ZBTB4: variants seen among roughly 807,000 people sequenced by gnomAD.
The protein encoded by ZBTB4 is zinc finger and BTB domain-containing protein 4.
In ZBTB4, 14 loss-of-function variants were observed where a neutral mutation model predicts 59.8. The observed-to-expected ratio is 0.23, with a 90% CI of 0.15 to 0.37. The LOEUF is 0.37. ZBTB4 is among the 10% of genes least tolerant of loss of function. The probability of loss-of-function intolerance (pLI) is 1.00; values close to 1 mark genes in which losing one functional copy is unlikely to be tolerated. For missense variants in ZBTB4, 1,198 were observed against 1,380.8 expected (o/e 0.87, Z 2.10); for synonymous variants, 587 against 575.2 (o/e 1.02, Z -0.29).
intron 1 of ZBTB4, among the ~76,000 whole-genome samples, chr17:7,472,058 G>C (rs779400714): frequency 2.0e-4 from 31 of 152,136 alleles, no homozygotes; most frequent in Admixed American, 1.7e-3. Flanking sequence ...GCCTCATGCA[G>C]TGAACCCCAA....
In ZBTB4 at chr17:7,463,210, C is replaced by T; in HGVS notation, c.1772G>A (p.Gly591Asp). The T allele has an allele frequency of 6.2e-7, 1 of 1,608,776 alleles. No individual in the cohort carries two copies. The highest frequency in any genetic ancestry group is 8.5e-7 in the Non-Finnish European group (1 of 1,179,034). Residue 591 changes from glycine to aspartate, a missense_variant, in exon 4 of 4, where the codon GGC (glycine) becomes GAC (aspartate). By Grantham distance (94) the Gly-to-Asp change is moderately conservative. Around this residue, in one of 9 missense-constraint regions of ZBTB4, gnomAD observed 550 missense variants for 541.8 expected, o/e 1.02. Coordinates refer to ENST00000380599, the MANE Select transcript of ZBTB4 (RefSeq NM_001128833.2). Reference sequence around the variant, plus strand: ...AGGTGGAGCCTGCAGCTGAGAGGGGCCCCGGCCAGCCCCTGTGGGGGGACC... The same window carrying T: ...AGGTGGAGCCTGCAGCTGAGAGGGGTCCCGGCCAGCCCCTGTGGGGGGACC... ...GGGPPTGAGR[G>D]PSQLQAPPPL...
chr17:7,467,126 G>A, intron 2 of ZBTB4, 131 bp downstream of exon 2: 1 of 1,152,202 alleles, frequency 8.7e-7, no homozygotes, highest in Non-Finnish European at 1.1e-6. Flanking sequence ...TCATGGGAAG[G>A]AGGAGGAAGC....
rs1413085020 is a variant in ZBTB4, at chr17:7,463,408, G to A, written c.1574C>T (p.Pro525Leu). 1.9e-6 allele frequency: 3 copies of A among 1,581,922 alleles called. No individual in the cohort carries two copies. The highest frequency in any genetic ancestry group is 2.3e-5 in the South Asian group (2 of 86,798). The change falls in exon 4 of 4, where the codon CCT becomes CTT. Residue 525 changes from proline to leucine, a missense_variant. This residue lies in a region of ZBTB4 where 550 missense variants were observed against 541.8 expected (regional missense o/e 1.02). Coordinates refer to ENST00000380599, the MANE Select transcript of ZBTB4 (RefSeq NM_001128833.2). ...GGGTGTGGCTGCAGGCTCAGGGGGA[G>A]GAGGTGGGTATTCTCGTTTCTTGGG... ...RPPKKREYPP[P>L]PPEPAATPTS...
chr17:7,464,979 A>G (rs2070094298), intron 3 of ZBTB4, among the ~76,000 whole-genome samples: 1 of 149,000 alleles, frequency 6.7e-6, no homozygotes, highest in South Asian at 2.1e-4. Context: ...ACACGGTGAA[A>G]CCCCGTCTCT....
At chr17:7,480,535 C>T (rs946741973), upstream of ZBTB4, among the ~76,000 whole-genome samples, 2 of 151,834 alleles carry the variant, frequency 1.3e-5, no homozygotes, top group Admixed American at 6.6e-5. Context: ...CTGGCTAACA[C>T]GGTGAAACCC....
chr17:7,467,097 T>C, intron 2 of ZBTB4, 160 bp downstream of exon 2: 3 of 924,464 alleles, frequency 3.2e-6, no homozygotes, highest in Non-Finnish European at 3.9e-6. Flanking sequence ...ACTAGAGATG[T>C]AAGTGAGGCA....
chr17:7,467,864 G>C (rs915227859), intron 1 of ZBTB4, among the ~76,000 whole-genome samples: 2 of 152,194 alleles, frequency 1.3e-5, no homozygotes, highest in African/African-American at 4.8e-5. Context: ...CTTAGAAGGG[G>C]GTTTCTGGCG....
upstream of ZBTB4, chr17:7,481,580 C>A: frequency 8.0e-7 from 1 of 1,248,422 alleles, no homozygotes. Flanking sequence ...GCTCCATTTC[C>A]CCTCCTTTCC....
intron 1 of ZBTB4, among the ~76,000 whole-genome samples, chr17:7,469,146 A>C (rs2070165453): frequency 6.6e-6 from 1 of 151,952 alleles, no homozygotes; most frequent in Non-Finnish European, 1.5e-5. Flanking sequence ...GAAAGGTAGC[A>C]GTTAGCTTTC....
chr17:7,483,506 G>A, upstream of ZBTB4: 1 of 202,354 alleles, frequency 4.9e-6, no homozygotes, highest in South Asian at 7.7e-5. Context: ...GGCTTGCAGT[G>A]GTGTCGTCTC....
chr17:7,462,720 G>A lies in ZBTB4; in HGVS notation c.2262C>T (p.Ser754=), dbSNP rs541339834. 1.2e-6 allele frequency: 2 copies of A among 1,604,102 alleles called. No homozygotes were observed. Among genetic ancestry groups the A allele is most frequent in the African/African-American group, 2.7e-5 (2 of 75,052 alleles). ...TGGAGGGCCTCCGTCCGGCCCGGGA[G>A]CTGTGGGAGCCCCCACCGTGGGCCT... ...HQEAHGGGSH[S]SRAGRRPSTR... is the part of the protein sequence containing the mutation. The change falls in exon 4 of 4, where the codon AGC becomes AGT. Residue 754 remains serine, a synonymous_variant. Coordinates refer to ENST00000380599, the MANE Select transcript of ZBTB4 (RefSeq NM_001128833.2). This position sits in a 1 kb window ranked among gnomAD's most constrained non-coding sequence, Gnocchi z 7.5.
intron 1 of ZBTB4, among the ~76,000 whole-genome samples, chr17:7,474,844 T>G (rs2070247435): frequency 6.6e-6 from 1 of 151,558 alleles, no homozygotes; most frequent in Non-Finnish European, 1.5e-5. Context: ...AAACCCCATC[T>G]GTACTAAAAA....
intron 3 of ZBTB4, 33 bp downstream of exon 3, chr17:7,465,678 C>T: frequency 6.4e-7 from 1 of 1,563,730 alleles, no homozygotes; most frequent in Non-Finnish European, 8.7e-7. Context: ...GTGCCAGCCT[C>T]CAGCCGCTCC....
At chr17:7,470,099 T>A (rs915484573) in intron 1 of ZBTB4, among the ~76,000 whole-genome samples, 1 of 151,208 alleles carries the variant, frequency 6.6e-6, no homozygotes, top group African/African-American at 2.4e-5. Flanking sequence ...AATAAATAAA[T>A]AAAATGACAG....
intron 1 of ZBTB4, among the ~76,000 whole-genome samples, chr17:7,479,071 A>T (rs1381545533): frequency 6.6e-6 from 1 of 151,708 alleles, no homozygotes. Context: ...CCCTCCCAGC[A>T]GCTTGCAGCG....
chr17:7,466,135 G>T lies in ZBTB4; in HGVS notation c.667C>A (p.Pro223Thr), dbSNP rs578051427. 5.0e-6 allele frequency: 8 copies of T among 1,611,298 alleles called. No individual in the cohort carries two copies. In the South Asian group the frequency reaches 8.8e-5, roughly 18 times the overall value. The part of the protein sequence containing the change: ...WEGDRAEAQA[P>T]DLQCSLPRRP... ...CGGGGCAGGGAGCACTGCAAGTCAGGGGCCTGGGCCTCAGCCCTGTCACCC... is the reference window on the plus strand; with the variant it reads ...CGGGGCAGGGAGCACTGCAAGTCAGTGGCCTGGGCCTCAGCCCTGTCACCC... Residue 223 changes from proline (P) to threonine (T), a missense_variant, in exon 3 of 4, where the codon CCT becomes ACT. Physicochemically the swap from Pro to Thr is conservative, Grantham distance 38 (BLOSUM62 -1). Transcript: ENST00000380599. The surrounding 1 kb of genome is among the most constrained non-coding windows in gnomAD (Gnocchi z 9.1).
chr17:7,467,111 C>T (rs975714098), intron 2 of ZBTB4, 146 bp downstream of exon 2: 11 of 1,162,296 alleles, frequency 9.5e-6, no homozygotes, highest in Non-Finnish European at 1.2e-5. Context: ...TGAGGCAAAT[C>T]TCTCTCATGG....
intron 1 of ZBTB4, among the ~76,000 whole-genome samples, chr17:7,468,554 G>A (rs1003277558): frequency 1.3e-5 from 2 of 152,162 alleles, no homozygotes; most frequent in East Asian, 1.9e-4. Context: ...GTCACACAGC[G>A]CTGGTAATGA....
At chr17:7,476,948 C>A (rs2070276562) in intron 1 of ZBTB4, among the ~76,000 whole-genome samples, 1 of 152,170 alleles carries the variant, frequency 6.6e-6, no homozygotes, top group South Asian at 2.1e-4. Context: ...ACCTGATTGC[C>A]CGGGTTCAAA....
Sources: gnomAD v4.1 joint callset for allele counts (sites outside exome capture counted in the v4.1 genomes callset) on GRCh38, gnomAD v4.1.1 for gene constraint, gnomAD v4.1.1 regional missense constraint, Gnocchi (gnomAD v3.1) non-coding constraint, MANE v1.5 for transcripts, NCBI Gene and HGNC (gene_info 2026-07-23, HGNC 2026-07-21) for gene names.